The following MAN2B2 variants were observed in gnomAD, a reference collection of about 807,000 sequenced individuals.
MAN2B2 encodes epididymis-specific alpha-mannosidase.
A neutral mutation model predicts 117.1 loss-of-function variants in MAN2B2; 106 were observed. That is an observed-to-expected ratio of 0.90 (90% CI 0.77 to 1.06). MAN2B2 has a LOEUF of 1.06. MAN2B2 is among the 50% of genes least tolerant of loss of function. MAN2B2 has a pLI of 0.00. For synonymous variants in MAN2B2, 544 were observed against 595.1 expected (o/e 0.91, Z 1.25); for missense variants, 1,326 against 1,381.4 (o/e 0.96, Z 0.64).
At chr4:6,588,106 G>A (rs935729186) in intron 4 of MAN2B2, among the ~76,000 whole-genome samples, 1 of 152,146 alleles carries the variant, frequency 6.6e-6, no homozygotes, top group Non-Finnish European at 1.5e-5. Flanking sequence ...ATGGGACGGT[G>A]TCATCATTTG....
chr4:6,611,022 C>T (rs1198953643), intron 14 of MAN2B2, 32 bp downstream of exon 14: 1 of 1,613,376 alleles, frequency 6.2e-7, no homozygotes, highest in African/African-American at 1.3e-5. Context: ...ACAGCAGCCC[C>T]TCGCGGCCCC....
At chr4:6,620,879 T>A (rs146064306) in intron 18 of MAN2B2, 1 of 317,194 alleles carries the variant, frequency 3.2e-6, no homozygotes, top group African/African-American at 2.1e-5. Context: ...CCATGAGGAA[T>A]TGAGGCCACT....
At chr4:6,579,117 T>C (rs576676494) in intron 3 of MAN2B2, among the ~76,000 whole-genome samples, 1,144 of 21,984 alleles carry the variant, frequency 0.052, 6 homozygotes, top group East Asian at 0.11. Flanking sequence ...ACCATCACCA[T>C]CACCACTACC....
At chr4:6,601,561 T>TGAAAGCA (rs2108748602) in intron 10 of MAN2B2, among the ~76,000 whole-genome samples, 1 of 123,702 alleles carries the variant, frequency 8.1e-6, no homozygotes, top group Non-Finnish European at 1.9e-5. Flanking sequence ...ACTGGTGAGG[T>TGAAAGCA]GGAAGCAGGG....
chr4:6,601,053 C>T (rs1273554511), intron 10 of MAN2B2, among the ~76,000 whole-genome samples: 1 of 152,200 alleles, frequency 6.6e-6, no homozygotes, highest in Non-Finnish European at 1.5e-5. Flanking sequence ...TAATTTCAGA[C>T]ACCAGCCACA....
chr4:6,600,514 G>T lies in MAN2B2; in HGVS notation c.1406-109G>T, dbSNP rs577746936. On this transcript the variant is annotated intron_variant, in intron 9 of 18. Coordinates refer to ENST00000285599, the MANE Select transcript of MAN2B2 (RefSeq NM_015274.3). ...CTGGCTCCCCTGGGAGTTCTGGAGG[G>T]CTGCATCTCACCTACCTCAGTTTCC... 291 of 1,315,890 alleles carry T rather than the reference G, an allele frequency of 2.2e-4. 1 individual carries two copies. In the East Asian group the frequency reaches 6.6e-3, roughly 30 times the overall value. 81.5% of individuals were successfully genotyped at this position (1,315,890 alleles called of 1,614,324 possible).
rs200037152 is a variant in MAN2B2 at position 6,615,633 on chromosome 4, C to CA, written c.2701+1287dup. Among the ~76,000 whole-genome samples, 798 of 150,680 alleles carry CA rather than the reference C, an allele frequency of 5.3e-3. 7 individuals carry two copies. Among genetic ancestry groups the CA allele is most frequent in the African/African-American group, 0.018 (745 of 41,110 alleles). On this transcript the variant is annotated intron_variant, in intron 16 of 18. Transcript: ENST00000285599. ...GCAACATAGCTAGACTCTGTCTCTA[C>CA]AAAAAAAAATTAAAAAATTAGGCGG...
intron 17 of MAN2B2, chr4:6,619,717 C>T: frequency 1.9e-6 from 1 of 535,402 alleles, no homozygotes; most frequent in Non-Finnish European, 3.4e-6. Context: ...CCTCCCGCTT[C>T]AGTGTCCTCA....
chr4:6,616,606 G>A lies in MAN2B2; in HGVS notation c.2702-774G>A, dbSNP rs80063246. Among the ~76,000 whole-genome samples, 932 of 152,282 alleles carry A rather than the reference G, an allele frequency of 6.1e-3. 8 individuals are homozygous for A. The highest frequency in any genetic ancestry group is 0.02 in the African/African-American group (843 of 41,532). On this transcript the variant is annotated intron_variant, in intron 16 of 18. Coordinates refer to ENST00000285599, the MANE Select transcript of MAN2B2 (RefSeq NM_015274.3). ...AAAAGCTTCTGCCGGGAAGTACTGC[G>A]TCACTTCAGCTCACTTTGCATTGGC...
At chr4:6,579,192 G>C (rs150724009) in intron 3 of MAN2B2, among the ~76,000 whole-genome samples, 131 of 5,066 alleles carry the variant, frequency 0.026, no homozygotes, top group East Asian at 0.096. Flanking sequence ...ACCATCACCA[G>C]CACCACCACC....
At chr4:6,601,288 G>A (rs1727318382) in intron 10 of MAN2B2, among the ~76,000 whole-genome samples, 1 of 152,210 alleles carries the variant, frequency 6.6e-6, no homozygotes, top group African/African-American at 2.4e-5. Flanking sequence ...TGGATCACCC[G>A]AGGTCAGGAG....
chr4:6,576,424 G>A (rs1358319456), intron 1 of MAN2B2, among the ~76,000 whole-genome samples, 154 bp from the exon 2 acceptor site: 1 of 152,208 alleles, frequency 6.6e-6, no homozygotes, highest in Non-Finnish European at 1.5e-5. Context: ...AGCCTGGTAT[G>A]GAGCGAGTGC....
At chr4:6,610,145 T>TAGAGG in intron 13 of MAN2B2, 95 bp downstream of exon 13, 1 of 1,500,394 alleles carries the variant, frequency 6.7e-7, no homozygotes. Context: ...AGTAGAGGCC[T>TAGAGG]CCAGTGAGAA....
chr4:6,608,497 C>A (rs773216799), intron 11 of MAN2B2, among the ~76,000 whole-genome samples: 2 of 152,274 alleles, frequency 1.3e-5, no homozygotes, highest in Non-Finnish European at 2.9e-5. Flanking sequence ...TTCTCCCATC[C>A]TCTGTCCTAA....
chr4:6,590,979 T>C (rs990937711), intron 5 of MAN2B2, among the ~76,000 whole-genome samples: 1 of 152,124 alleles, frequency 6.6e-6, no homozygotes, highest in Non-Finnish European at 1.5e-5. Context: ...TAAAACTCTG[T>C]CTGTAGTCAA....
chr4:6,621,101 C>A, intron 18 of MAN2B2, 87 bp from the exon 19 acceptor site: 2 of 924,600 alleles, frequency 2.2e-6, no homozygotes, highest in African/African-American at 1.6e-5. Context: ...GGAGCCACAG[C>A]AGACTGTAGA....
chr4:6,591,412 G>A (rs1409643836), intron 5 of MAN2B2, among the ~76,000 whole-genome samples: 2 of 152,258 alleles, frequency 1.3e-5, no homozygotes, highest in South Asian at 2.1e-4. Flanking sequence ...CCCCGTGGGA[G>A]TGCACTGTGG....
intron 3 of MAN2B2, among the ~76,000 whole-genome samples, chr4:6,579,589 A>T (rs1213490092): frequency 6.7e-6 from 1 of 150,064 alleles, no homozygotes; most frequent in East Asian, 2.0e-4. Context: ...CACCACCATC[A>T]CCACTACCAC....
At chr4:6,583,460 G>A (rs1327642478) in intron 3 of MAN2B2, among the ~76,000 whole-genome samples, 2 of 152,330 alleles carry the variant, frequency 1.3e-5, no homozygotes, top group East Asian at 3.9e-4. Flanking sequence ...ATGTATATCG[G>A]ACGCCAATTA....
Sources: gnomAD v4.1 joint callset for allele counts (sites outside exome capture counted in the v4.1 genomes callset) on GRCh38, gnomAD v4.1.1 for gene constraint, MANE v1.5 for transcripts, NCBI Gene and HGNC (gene_info 2026-07-23, HGNC 2026-07-21) for gene names.